Variants in DCDC2 observed in about 807,000 individuals in gnomAD.
DCDC2 encodes the protein doublecortin domain containing 2, also known as doublecortin domain-containing protein 2.
A neutral mutation model predicts 50.2 loss-of-function variants in DCDC2; 40 were observed. That is an observed-to-expected ratio of 0.80 (90% confidence interval 0.62 to 1.04). The LOEUF (loss-of-function observed/expected upper bound fraction) is 1.04, where lower values mean the gene tolerates loss of function less well. Ranked by LOEUF, DCDC2 falls within the 50% of genes least tolerant of loss-of-function variation. The probability of loss-of-function intolerance (pLI) is 0.00; values close to 1 mark genes in which losing one functional copy is unlikely to be tolerated. For synonymous variants in DCDC2, 234 were observed against 210.6 expected, an observed-to-expected ratio of 1.11 and a Z score of -0.96; for missense variants, 570 against 581.9, an observed-to-expected ratio of 0.98 and a Z score of 0.21.
At chr6:24,308,088 C>T (rs976829221) in intron 2 of DCDC2, among the ~76,000 whole-genome samples, 2 of 152,194 alleles carry the variant, frequency 1.3e-5, no homozygotes, top group African/African-American at 2.4e-5. Context: ...GTCCACACCA[C>T]CCATGAATTC....
At position 24,357,878 on chromosome 6, in the gene DCDC2, A is replaced by T. The variant is rs778509714; in HGVS notation, c.-128T>A. ...ACGAACGAGAAACTGACGAATCCAC[A>T]GGTGAAAGAGAAGTAACGGCCGTGC... On this transcript the variant is annotated 5_prime_UTR_variant, in exon 1 of 10. Coordinates refer to ENST00000378454, the MANE Select transcript of DCDC2 (RefSeq NM_016356.5). 3.8e-6 allele frequency: 6 copies of T among 1,565,020 alleles called. No individual in the cohort carries two copies. The highest frequency in any genetic ancestry group is 5.2e-6 in the Non-Finnish European group (6 of 1,154,644).
intron 2 of DCDC2, among the ~76,000 whole-genome samples, chr6:24,341,566 T>C (rs547128796): frequency 6.6e-6 from 1 of 152,242 alleles, no homozygotes; most frequent in Non-Finnish European, 1.5e-5. Context: ...ATACTGAAAC[T>C]TATTTTATTT....
chr6:24,295,934 C>G (rs1182564937), intron 4 of DCDC2, among the ~76,000 whole-genome samples: 1 of 152,106 alleles, frequency 6.6e-6, no homozygotes, highest in African/African-American at 2.4e-5. Flanking sequence ...TTACTGCTAT[C>G]AAACTACCAT....
In DCDC2 at chr6:24,198,798, C is replaced by A. The variant is rs528685805; in HGVS notation, c.1023+6204G>T. On this transcript the variant is annotated intron_variant, in intron 8 of 9. Coordinates refer to ENST00000378454, the MANE Select transcript of DCDC2 (RefSeq NM_016356.5). ...TGCAAGCACAGCAGTCTGAAGTCGA[C>A]CTGGGACACTCAAGCTTGGTGGGGG... Among the ~76,000 whole-genome samples, 3 of 152,262 alleles carry A rather than the reference C, an allele frequency of 2.0e-5. No homozygotes were observed. The South Asian group carries it at 6.2e-4, about 32-fold the overall frequency.
intron 2 of DCDC2, among the ~76,000 whole-genome samples, chr6:24,319,522 T>C (rs1759734307): frequency 6.6e-6 from 1 of 152,174 alleles, no homozygotes; most frequent in South Asian, 2.1e-4. Context: ...TTTTTGTTTT[T>C]CTTGCTTGTG....
At chr6:24,261,930 A>G (rs950920105) in intron 7 of DCDC2, among the ~76,000 whole-genome samples, 3 of 152,144 alleles carry the variant, frequency 2.0e-5, no homozygotes, top group African/African-American at 7.2e-5. Context: ...AAGACGACCA[A>G]ATAAAACCCT....
intron 7 of DCDC2, among the ~76,000 whole-genome samples, chr6:24,253,437 T>C (rs1464639271): frequency 3.9e-5 from 6 of 152,130 alleles, no homozygotes; most frequent in African/African-American, 1.4e-4. Flanking sequence ...AAAATGTAAA[T>C]ACAGTCATGG....
At chr6:24,246,615 T>A (rs1173737744) in intron 7 of DCDC2, among the ~76,000 whole-genome samples, 2 of 148,426 alleles carry the variant, frequency 1.3e-5, no homozygotes, top group Admixed American at 6.8e-5. Context: ...GCCTCCGGAG[T>A]AGCTGGGATT....
chr6:24,358,642 A>C (rs940963192), upstream of DCDC2, among the ~76,000 whole-genome samples: 1 of 141,922 alleles, frequency 7.0e-6, no homozygotes, highest in African/African-American at 2.6e-5. Flanking sequence ...TGATTTTGCC[A>C]CTGCACTCCA....
rs199686905 is a variant in DCDC2 at position 24,357,774 on chromosome 6, G to A, written c.-24C>T. On this transcript the variant is annotated 5_prime_UTR_variant, in exon 1 of 10. Transcript: ENST00000378454. ...ATCTTCCCCGCTGGCCGCCGCCTCA[G>A]CTCGCTGCTTCGCGTCGGGAGGCAC... 2,112 of 1,612,086 alleles carry A rather than the reference G, an allele frequency of 1.3e-3. 31 individuals are homozygous for A. In the South Asian group the frequency reaches 0.015, roughly 12 times the overall value.
the DCDC2 span, among the ~76,000 whole-genome samples, chr6:24,379,676 G>C: frequency 2.6e-4 from 39 of 152,180 alleles, no homozygotes; most frequent in African/African-American, 8.4e-4. Context: ...TTGACCCAGC[G>C]ATCCCATTAC....
chr6:24,192,710 T>C (rs537608293), intron 8 of DCDC2, among the ~76,000 whole-genome samples: 5 of 151,920 alleles, frequency 3.3e-5, no homozygotes, highest in Admixed American at 1.3e-4. Flanking sequence ...AGGCTTTTAT[T>C]TTTTTTCAGT....
At chr6:24,333,109 A>G (rs1205033814) in intron 2 of DCDC2, among the ~76,000 whole-genome samples, 1 of 152,156 alleles carries the variant, frequency 6.6e-6, no homozygotes, top group Admixed American at 6.6e-5. Context: ...AATGAGGGAG[A>G]ATGTTCCAAA....
intron 8 of DCDC2, among the ~76,000 whole-genome samples, chr6:24,178,912 A>T (rs1760987208): frequency 6.6e-6 from 1 of 152,216 alleles, no homozygotes; most frequent in African/African-American, 2.4e-5. Context: ...AAGATCCCAC[A>T]GAAAGAGCCA....
intron 2 of DCDC2, among the ~76,000 whole-genome samples, chr6:24,334,041 C>A (rs1273902160): frequency 1.3e-5 from 2 of 152,156 alleles, no homozygotes; most frequent in African/African-American, 4.8e-5. Context: ...CCCTTGCAAA[C>A]AAAACCGGCT....
chr6:24,360,920 C>T (rs555504646), upstream of DCDC2, among the ~76,000 whole-genome samples: 23 of 152,154 alleles, frequency 1.5e-4, no homozygotes, highest in African/African-American at 5.5e-4. Flanking sequence ...TACCTCAGGT[C>T]ACACACACAG....
At chr6:24,318,780 C>CGTGTGTGTGTGTGTGT (rs57175093) in intron 2 of DCDC2, among the ~76,000 whole-genome samples, 13,394 of 149,528 alleles carry the variant, frequency 0.09, 592 homozygotes, top group East Asian at 0.14. Flanking sequence ...TATATACGTA[C>CGTGTGTGTGTGTGTGT]GTGTGTGTGT....
intron 7 of DCDC2, among the ~76,000 whole-genome samples, chr6:24,208,518 G>A (rs1360047760): frequency 6.6e-6 from 1 of 151,982 alleles, no homozygotes; most frequent in African/African-American, 2.4e-5. Context: ...TTACAGGCAT[G>A]TGCCACCACA....
At chr6:24,279,274 TGGGA>T (rs1763421036) in intron 6 of DCDC2, among the ~76,000 whole-genome samples, 1 of 151,654 alleles carries the variant, frequency 6.6e-6, no homozygotes, top group Admixed American at 6.6e-5. Flanking sequence ...GAGGCAGAGG[TGGGA>T]GGATCATTTG....
Sources: gnomAD v4.1 joint callset for allele counts (sites outside exome capture counted in the v4.1 genomes callset) on GRCh38, gnomAD v4.1.1 for gene constraint, MANE v1.5 for transcripts, NCBI Gene and HGNC (gene_info 2026-07-23, HGNC 2026-07-21) for gene names.